TMEM67: variants seen among roughly 807,000 people sequenced by gnomAD.
TMEM67 encodes the protein meckelin.
A neutral mutation model predicts 136.6 loss-of-function variants in TMEM67; 124 were observed. The observed-to-expected ratio is 0.91, with a 90% confidence interval of 0.78 to 1.05. The LOEUF is 1.05. TMEM67 is among the 50% of genes least tolerant of loss of function. TMEM67 has a pLI of 0.00. For missense variants in TMEM67, 1,107 were observed against 1,178.4 expected (o/e 0.94, Z 0.89); for synonymous variants, 364 against 390.5 (o/e 0.93, Z 0.80).
At chr8:93,815,507 G>A (rs1808873072) in intron 27 of TMEM67, 60 bp downstream of exon 27, 10 of 1,470,352 alleles carry the variant, frequency 6.8e-6, no homozygotes, top group Non-Finnish European at 9.4e-6. Flanking sequence ...TATGTTAGAA[G>A]TAGATATTTT....
chr8:93,764,334 G>A (rs938878821), intron 4 of TMEM67, among the ~76,000 whole-genome samples: 1 of 152,104 alleles, frequency 6.6e-6, no homozygotes, highest in Admixed American at 6.6e-5. Context: ...TACATAATTT[G>A]TATATAATCT....
rs35511670 is a variant in TMEM67 at position 93,798,942 on chromosome 8, A to AGTGTGTGTGT, written c.2101-643_2101-634dup. Among the ~76,000 whole-genome samples the AGTGTGTGTGT allele has an allele frequency of 4.9e-3, 699 of 143,462 alleles. 5 individuals are homozygous for AGTGTGTGTGT. The highest frequency in any genetic ancestry group is 0.013 in the African/African-American group (492 of 38,838). The allele number at this position is 143,462 out of a possible 152,430, so 94.1% of individuals were successfully genotyped here. On this transcript the variant is annotated intron_variant, in intron 20 of 27. Coordinates refer to ENST00000453321, the MANE Select transcript of TMEM67 (RefSeq NM_153704.6). ...ACATCTTTTCTTTTTGTACTAAAGT[A>AGTGTGTGTGT]GTGTGTGTGTGTGTGTGTGTGTGTG... is the stretch of plus-strand genomic sequence containing the variant.
At chr8:93,803,220 G>A (rs1051344147) in intron 21 of TMEM67, among the ~76,000 whole-genome samples, 1 of 151,942 alleles carries the variant, frequency 6.6e-6, no homozygotes, top group Non-Finnish European at 1.5e-5. Flanking sequence ...CATTTGAAAA[G>A]TAGAGCATTT....
intron 3 of TMEM67, among the ~76,000 whole-genome samples, chr8:93,761,528 G>A (rs930182936): frequency 6.6e-6 from 1 of 152,048 alleles, no homozygotes; most frequent in Non-Finnish European, 1.5e-5. Flanking sequence ...AGTGTTGAAT[G>A]TTTTTTTCTT....
In TMEM67 at chr8:93,780,665, G is replaced by T; in HGVS notation, c.787G>T (p.Ala263Ser). ...GATGAACATGAATTCTTACGACTTT[G>T]CCACATTTGATGCATGTGGACTATT... ...CVMNMNSYDFATFDACGLFQF... is the reference protein window; with the variant it reads ...CVMNMNSYDFSTFDACGLFQF... Residue 263 changes from alanine to serine, a missense_variant, in exon 8 of 28, where the codon GCC becomes TCC. Coordinates refer to ENST00000453321, the MANE Select transcript of TMEM67 (RefSeq NM_153704.6). 6.2e-7 allele frequency: 1 copy of T among 1,614,036 alleles called. No individual in the cohort carries two copies.
intron 12 of TMEM67, 57 bp downstream of exon 12, chr8:93,785,435 A>G (rs1814050920): frequency 6.6e-7 from 1 of 1,522,358 alleles, no homozygotes; most frequent in Non-Finnish European, 9.1e-7. Flanking sequence ...AAATAAGTTA[A>G]CCTACATGAT....
At chr8:93,812,989 G>A (rs1808760350) in intron 26 of TMEM67, among the ~76,000 whole-genome samples, 1 of 152,146 alleles carries the variant, frequency 6.6e-6, no homozygotes, top group Admixed American at 6.5e-5. Context: ...ACCCGCCTCA[G>A]CCTCCCAAAG....
At chr8:93,760,454 T>G (rs931303803) in intron 3 of TMEM67, among the ~76,000 whole-genome samples, 5 of 152,170 alleles carry the variant, frequency 3.3e-5, no homozygotes, top group African/African-American at 1.2e-4. Context: ...CAGGTTGGGT[T>G]TCTACCTTAT....
At chr8:93,824,550 C>CT in the TMEM67 span, among the ~76,000 whole-genome samples, 214 of 150,096 alleles carry the variant, frequency 1.4e-3, no homozygotes, top group Middle Eastern at 6.9e-3. Flanking sequence ...CATTTAATCA[C>CT]TTTTTTTTTT....
chr8:93,809,869 A>G lies in TMEM67; in HGVS notation c.2746A>G (p.Lys916Glu). ...LGMEFMEPMEKSIFYNDEGYS... is the reference protein window; with the variant it reads ...LGMEFMEPMEESIFYNDEGYS... ...AATGGAATTCATGGAACCAATGGAA[A>G]AAAGCATCTTTTACAATGGTATCTT... The change falls in exon 26 of 28, where the codon AAA (lysine) becomes GAA (glutamate). Residue 916 changes from lysine (K) to glutamate (E), a missense_variant. Coordinates refer to ENST00000453321, the MANE Select transcript of TMEM67 (RefSeq NM_153704.6). The G allele has an allele frequency of 6.2e-7, 1 of 1,605,790 alleles. No individual in the cohort carries two copies. Among genetic ancestry groups the G allele is most frequent in the Non-Finnish European group, 8.5e-7 (1 of 1,172,866 alleles).
At chr8:93,768,398 G>T (rs1250471909) in intron 6 of TMEM67, among the ~76,000 whole-genome samples, 1 of 151,954 alleles carries the variant, frequency 6.6e-6, no homozygotes, top group Admixed American at 6.6e-5. Context: ...GATCACTTGA[G>T]GTCAGGAGTT....
chr8:93,830,003 A>G, the TMEM67 span, among the ~76,000 whole-genome samples: 9 of 152,242 alleles, frequency 5.9e-5, no homozygotes, highest in East Asian at 1.4e-3. Context: ...CCCATTTCAG[A>G]AGGGGTCCTG....
chr8:93,772,586 C>G lies in TMEM67; in HGVS notation c.652-3C>G. The G allele has an allele frequency of 1.2e-6, 2 of 1,609,746 alleles. No homozygotes were observed. The highest frequency in any genetic ancestry group is 1.1e-5 in the South Asian group (1 of 90,614). Reference sequence around the variant, plus strand: ...AAAATAAAATGTATCTTTTTGTTTACAGGGCATGTCTTTAACTTCAGAATG... The same window carrying G: ...AAAATAAAATGTATCTTTTTGTTTAGAGGGCATGTCTTTAACTTCAGAATG... On this transcript the variant is annotated splice_region_variant and splice_polypyrimidine_tract_variant and intron_variant, in intron 6 of 27. Transcript: ENST00000453321.
intron 6 of TMEM67, among the ~76,000 whole-genome samples, chr8:93,767,725 ATT>A (rs61268455): frequency 1.5e-4 from 21 of 139,680 alleles, no homozygotes; most frequent in Non-Finnish European, 2.3e-4. Context: ...CTTCTGCGTG[ATT>A]TTTTTTTTTT....
chr8:93,754,876 T>G, upstream of TMEM67: 1 of 1,587,150 alleles, frequency 6.3e-7, no homozygotes, highest in Non-Finnish European at 8.6e-7. Flanking sequence ...CAGAGGCTGA[T>G]GGGGGGCTGG....
chr8:93,808,498 TTATAGATGAA>T (rs1808538177), intron 23 of TMEM67, among the ~76,000 whole-genome samples: 8 of 144,264 alleles, frequency 5.5e-5, no homozygotes, highest in Non-Finnish European at 1.1e-4. Flanking sequence ...AATAGATCTA[TTATAGATGAA>T]TATATATATT....
Position 93,797,906 on chromosome 8 carries a change from C to T in TMEM67, c.2100+436C>T, listed in dbSNP as rs1335076522. On this transcript the variant is annotated intron_variant, in intron 20 of 27. Transcript: ENST00000453321. Reference sequence around the variant, plus strand: ...CTGAGGCAGGAGAATTGCTTGAACCCGGGAGGCGGAGGTTACAGTGAGCCG... The same window carrying T: ...CTGAGGCAGGAGAATTGCTTGAACCTGGGAGGCGGAGGTTACAGTGAGCCG... Among the ~76,000 whole-genome samples the T allele has an allele frequency of 7.2e-5, 11 of 152,250 alleles. No homozygotes were observed. The East Asian group carries it at 1.5e-3, about 21-fold the overall frequency.
At position 93,759,744 on chromosome 8, in the gene TMEM67, G is replaced by C. The variant is rs554352803; in HGVS notation, c.406+1168G>C. ...TGGCTCACTGCAACCTCCCTCTCAGGTTCAAGCGATTCTCCTGCCTCAGCC... is the reference window on the plus strand; with the variant it reads ...TGGCTCACTGCAACCTCCCTCTCAGCTTCAAGCGATTCTCCTGCCTCAGCC... On this transcript the variant is annotated intron_variant, in intron 3 of 27. Coordinates refer to ENST00000453321, the MANE Select transcript of TMEM67 (RefSeq NM_153704.6). 2.9e-5 allele frequency: 8 copies of C among 279,966 alleles called. No individual in the cohort carries two copies. In the East Asian group the frequency reaches 4.6e-4, roughly 16 times the overall value. 17.3% of individuals were successfully genotyped at this position (279,966 alleles called of 1,614,324 possible).
At chr8:93,787,249 CT>C (rs34924552) in intron 13 of TMEM67, among the ~76,000 whole-genome samples, 1,622 of 145,838 alleles carry the variant, frequency 0.011, 10 homozygotes, top group East Asian at 0.019. Flanking sequence ...ACAGCTGACA[CT>C]TTTTTTTTTT....
Sources: allele counts gnomAD v4.1 joint callset (sites outside exome capture counted in the v4.1 genomes callset), GRCh38; gene constraint gnomAD v4.1.1; transcripts MANE v1.5; gene names NCBI Gene and HGNC (gene_info 2026-07-23, HGNC 2026-07-21).